NISCH: variants seen among roughly 807,000 people sequenced by gnomAD.
The protein encoded by NISCH is nischarin, also known as I-1 receptor candidate protein.
Under a neutral mutation model 138.4 loss-of-function variants are expected in NISCH, and 55 were observed. The ratio of observed to expected loss-of-function variants is 0.40; its 90% CI spans 0.32 to 0.50. The LOEUF is 0.50. Among genes scored for constraint, NISCH ranks in the 20% least tolerant of loss-of-function variants. NISCH has a pLI of 0.71. For missense variants in NISCH, 1,643 were observed against 2,005.5 expected (o/e 0.82, Z 3.45); for synonymous variants, 860 against 861.5 (o/e 1.00, Z 0.03).
chr3:52,469,380 G>T (rs1706877089), intron 3 of NISCH, among the ~76,000 whole-genome samples: 1 of 152,254 alleles, frequency 6.6e-6, no homozygotes, highest in Admixed American at 6.5e-5. Flanking sequence ...CCAAGGGCTT[G>T]AGTGTGGCTT....
Position 52,488,596 on chromosome 3 carries a change from G to A in NISCH, c.3104G>A (p.Arg1035His), listed in dbSNP as rs371017818. ...GSFADGQPAE[R>H]RASNDQRPQE... is the part of the protein sequence containing the mutation. ...TTTGCGGATGGCCAGCCTGCCGAGC[G>A]CAGGGCCAGGTGAGATCAAGCACAG... Residue 1035 changes from arginine to histidine, a missense_variant, in exon 16 of 21, where the codon CGC (arginine) becomes CAC (histidine). Arg to His is a conservative substitution (Grantham distance 29, BLOSUM62 0). Transcript: ENST00000345716. The A allele has an allele frequency of 3.0e-5, 48 of 1,609,232 alleles. No individual in the cohort carries two copies. Among genetic ancestry groups the A allele is most frequent in the African/African-American group, 1.1e-4 (8 of 74,880 alleles).
chr3:52,491,204 T>G lies in NISCH; in HGVS notation c.3743-148T>G, dbSNP rs887643493. ...CTTCCGGCCTGAAGGAATGGCCTCC[T>G]CCCGGGCCCCATGATTCTTTCCTGT... On this transcript the variant is annotated intron_variant, in intron 19 of 20. Coordinates refer to ENST00000345716, the MANE Select transcript of NISCH (RefSeq NM_007184.4). 4 of 1,279,020 alleles carry G rather than the reference T, an allele frequency of 3.1e-6. No individual in the cohort carries two copies. The African/African-American group carries it at 6.1e-5, about 19-fold the overall frequency. 79.2% of individuals were successfully genotyped at this position (1,279,020 alleles called of 1,614,324 possible).
chr3:52,484,760 C>G, intron 14 of NISCH, 123 bp downstream of exon 14: 3 of 1,052,426 alleles, frequency 2.9e-6, no homozygotes, highest in Admixed American at 4.2e-5. Flanking sequence ...GTTTGGCGTC[C>G]TCTGCTTTGT....
intron 13 of NISCH, among the ~76,000 whole-genome samples, chr3:52,482,157 G>T (rs546910855): frequency 6.6e-6 from 1 of 152,184 alleles, no homozygotes; most frequent in Non-Finnish European, 1.5e-5. Flanking sequence ...AGGCCTCCCC[G>T]TGTGTTTTTT....
At chr3:52,471,453 G>C (rs1312654737) in intron 4 of NISCH, 1 of 360,246 alleles carries the variant, frequency 2.8e-6, no homozygotes, top group Non-Finnish European at 5.1e-6. Context: ...GCCTGCGCCT[G>C]ACCTGGGTGT....
rs747890610 is a variant in NISCH, at chr3:52,491,509, C to CACAGGTACCCCTGTCTGT, written c.3904+12_3904+13insGTACAGGTACCCCTGTCT. On this transcript the variant is annotated inframe_insertion, in exon 20 of 21. Transcript: ENST00000345716. ...TCTACTCCGAGTTTGGGAACAAGAC[C>CACAGGTACCCCTGTCTGT]ACAGGTACCCCTGTCTAGCTCAGGC... The CACAGGTACCCCTGTCTGT allele has an allele frequency of 2.6e-4, 425 of 1,611,182 alleles. 1 individual carries two copies. The highest frequency in any genetic ancestry group is 5.9e-5 in the Non-Finnish European group (69 of 1,178,794).
chr3:52,468,240 C>T (rs995279931), intron 3 of NISCH, among the ~76,000 whole-genome samples: 2 of 152,148 alleles, frequency 1.3e-5, no homozygotes, highest in Non-Finnish European at 2.9e-5. Context: ...GCCTGGGAGA[C>T]AGAGCGAGAC....
rs71084185 is a variant in NISCH at position 52,464,517 on chromosome 3, C to CTTTTT, written c.360+5694_360+5698dup. Among the ~76,000 whole-genome samples, 490 of 75,814 alleles carry CTTTTT rather than the reference C, an allele frequency of 6.5e-3. 48 individuals are homozygous for CTTTTT. The highest frequency in any genetic ancestry group is 0.011 in the African/African-American group (205 of 18,502). 49.7% of individuals were successfully genotyped at this position (75,814 alleles called of 152,430 possible). ...TACTTTTTCACATTCTGTGAGTTGTCTTTTTTTTTTTTTTTTTTTTTTTTT... is the reference window on the plus strand; with the variant it reads ...TACTTTTTCACATTCTGTGAGTTGTCTTTTTTTTTTTTTTTTTTTTTTTTTTTTTT... On this transcript the variant is annotated intron_variant, in intron 3 of 20. Transcript: ENST00000345716.
In NISCH at chr3:52,479,831, T is replaced by A. The variant is rs770371948; in HGVS notation, c.1385T>A (p.Val462Asp). The A allele has an allele frequency of 3.1e-6, 5 of 1,611,530 alleles. No homozygotes were observed. Among genetic ancestry groups the A allele is most frequent in the Non-Finnish European group, 4.2e-6 (5 of 1,179,440 alleles). Reference sequence around the variant, plus strand: ...AAAGCAATTCAGAAAGCCAAGGAGGTCAAGTCCAAACTGAGCAACCCAGAG... The same window carrying A: ...AAAGCAATTCAGAAAGCCAAGGAGGACAAGTCCAAACTGAGCAACCCAGAG... ...VLKAIQKAKE[V>D]KSKLSNPEKK... Residue 462 changes from valine (V) to aspartate (D), a missense_variant, in exon 12 of 21, where the codon GTC becomes GAC. Transcript: ENST00000345716.
intron 1 of NISCH, 28 bp downstream of exon 1, chr3:52,455,762 CG>C: frequency 2.3e-6 from 3 of 1,321,650 alleles, no homozygotes; most frequent in South Asian, 5.1e-5. Context: ...GCACCCGAAG[CG>C]GGGGTGGTGG....
intron 5 of NISCH, 94 bp downstream of exon 5, chr3:52,472,071 T>TG: frequency 7.4e-7 from 1 of 1,359,472 alleles, no homozygotes; most frequent in Non-Finnish European, 1.0e-6. Flanking sequence ...AAGGAGACCA[T>TG]GGGGGACTGT....
At position 52,488,294 on chromosome 3, in the gene NISCH, C is replaced by G. The variant is rs890431027; in HGVS notation, c.2802C>G (p.Asn934Lys). ...CCATGCCCAACCGTGGCACCCACAACTGTCGCAACCGCAACAGCTTCAAGC... is the reference window on the plus strand; with the variant it reads ...CCATGCCCAACCGTGGCACCCACAAGTGTCGCAACCGCAACAGCTTCAAGC... ...FNPMPNRGTH[N>K]CRNRNSFKLS... Residue 934 changes from asparagine (N) to lysine (K), a missense_variant, in exon 16 of 21, where the codon AAC (asparagine) becomes AAG (lysine). Transcript: ENST00000345716. 6.2e-7 allele frequency: 1 copy of G among 1,610,918 alleles called. No individual in the cohort carries two copies. The highest frequency in any genetic ancestry group is 1.1e-5 in the South Asian group (1 of 91,084).
chr3:52,484,473 C>CCCCCCCCCA, intron 13 of NISCH, 40 bp from the exon 14 acceptor site: 1 of 1,209,452 alleles, frequency 8.3e-7, no homozygotes, highest in Non-Finnish European at 1.1e-6. Context: ...CCCCGCCCCA[C>CCCCCCCCCA]CCACCCTGCC....
intron 2 of NISCH, among the ~76,000 whole-genome samples, chr3:52,458,163 C>A (rs1186159801): frequency 6.6e-6 from 1 of 152,250 alleles, no homozygotes; most frequent in African/African-American, 2.4e-5. Flanking sequence ...TATTTCCAGT[C>A]CTAGCTTGGG....
Position 52,455,682 on chromosome 3 carries a change from A to C in NISCH, c.41A>C (p.Glu14Ala). Residue 14 changes from glutamate (E) to alanine (A), a missense_variant, in exon 1 of 21, where the codon GAG (glutamate) becomes GCG (alanine). Physicochemically the swap from Glu to Ala is moderately radical, Grantham distance 107. Coordinates refer to ENST00000345716, the MANE Select transcript of NISCH (RefSeq NM_007184.4). The stretch of plus-strand genomic sequence containing the variant: ...ACCTTCGGGCCCGAGCGGGAAGCCG[A>C]GCCGGCCAAGGAAGCGCGCGTCGTG... The part of the protein sequence containing the change: ...ARTFGPEREA[E>A]PAKEARVVGS... 6.6e-6 allele frequency: 9 copies of C among 1,362,722 alleles called. No individual in the cohort carries two copies. Among genetic ancestry groups the C allele is most frequent in the Non-Finnish European group, 8.6e-6 (9 of 1,048,032 alleles). The allele number at this position is 1,362,722 out of a possible 1,614,324, so 84.4% of individuals were successfully genotyped here. A position where few individuals can be genotyped will look rare whatever the true frequency, so the allele number is the denominator to read the frequency against.
intron 3 of NISCH, among the ~76,000 whole-genome samples, chr3:52,469,757 A>G (rs1375212337): frequency 1.3e-5 from 2 of 152,194 alleles, no homozygotes; most frequent in African/African-American, 4.8e-5. Context: ...TCTACTAAAA[A>G]TGCAGGAATT....
In NISCH at chr3:52,455,733, C is replaced by T; in HGVS notation, c.92C>T (p.Thr31Met). The part of the protein sequence containing the change: ...VVGSELVDTY[T>M]VYIIQVTDGS... ...GGCTCGGAGCTTGTGGACACTTATA[C>T]GGTGTGTTGGGGGCGCGGGCACCCG... Residue 31 changes from threonine (T) to methionine (M), a missense_variant and splice_region_variant, in exon 1 of 21, where the codon ACG (threonine) becomes ATG (methionine). Physicochemically the swap from Thr to Met is moderately conservative, Grantham distance 81. Coordinates refer to ENST00000345716, the MANE Select transcript of NISCH (RefSeq NM_007184.4). 1 of 1,360,660 alleles carries T rather than the reference C, an allele frequency of 7.3e-7. No individual in the cohort carries two copies. Among genetic ancestry groups the T allele is most frequent in the Non-Finnish European group, 9.6e-7 (1 of 1,046,166 alleles). 84.3% of individuals were successfully genotyped at this position (1,360,660 alleles called of 1,614,324 possible). A position where few individuals can be genotyped will look rare whatever the true frequency, so the allele number is the denominator to read the frequency against.
At chr3:52,471,579 T>A in intron 4 of NISCH, 1 of 575,252 alleles carries the variant, frequency 1.7e-6, no homozygotes, top group Middle Eastern at 4.6e-4. Context: ...CCTCAGTGGC[T>A]CCCCAGCCTC....
At chr3:52,459,641 C>G (rs1452155874) in intron 3 of NISCH, among the ~76,000 whole-genome samples, 2 of 151,786 alleles carry the variant, frequency 1.3e-5, no homozygotes, top group Admixed American at 6.6e-5. Flanking sequence ...ACCATGTTGG[C>G]CAGACTGGTC....
Sources: gnomAD v4.1 joint callset for allele counts (sites outside exome capture counted in the v4.1 genomes callset) on GRCh38, gnomAD v4.1.1 for gene constraint, MANE v1.5 for transcripts, NCBI Gene and HGNC (gene_info 2026-07-23, HGNC 2026-07-21) for gene names.